The following ATP2B2 variants were observed in gnomAD, a reference collection of about 807,000 sequenced individuals.
ATP2B2 encodes the protein plasma membrane calcium-transporting ATPase 2.
ATP2B2 carries 15 observed loss-of-function variants against 120.0 expected under a neutral mutation model. The observed-to-expected ratio is 0.12, with a 90% confidence interval of 0.08 to 0.19. ATP2B2 has a LOEUF of 0.19. Ranked by LOEUF, ATP2B2 falls within the 10% of genes least tolerant of loss-of-function variation. ATP2B2 has a pLI of 1.00. For missense variants in ATP2B2, 1,045 were observed against 1,719.8 expected (o/e 0.61, Z 6.94); for synonymous variants, 694 against 700.3 (o/e 0.99, Z 0.14).
chr3:10,481,026 C>T (rs1312887371), intron 1 of ATP2B2, among the ~76,000 whole-genome samples: 2 of 152,180 alleles, frequency 1.3e-5, no homozygotes, highest in African/African-American at 4.8e-5. Context: ...TCAGAGCAGA[C>T]CCTCTCTTTT....
intron 22 of ATP2B2, among the ~76,000 whole-genome samples, chr3:10,337,018 G>A (rs115137118): frequency 0.012 from 1,798 of 152,236 alleles, 36 homozygotes; most frequent in African/African-American, 0.041. Flanking sequence ...GGGTGGCTGC[G>A]GGGCCCTAAC....
intron 22 of ATP2B2, among the ~76,000 whole-genome samples, chr3:10,336,491 G>A (rs1559525121): frequency 6.6e-6 from 1 of 152,316 alleles, no homozygotes; most frequent in East Asian, 1.9e-4. Flanking sequence ...CCACCTGCAG[G>A]CCCCAGGGTC....
chr3:10,462,684 G>A (rs1419582124), intron 1 of ATP2B2, among the ~76,000 whole-genome samples: 1 of 152,244 alleles, frequency 6.6e-6, no homozygotes, highest in Non-Finnish European at 1.5e-5. Context: ...AGATCTGGGA[G>A]TAGAACTGGG....
At chr3:10,360,766 T>C (rs2060874053) in intron 12 of ATP2B2, among the ~76,000 whole-genome samples, 1 of 152,214 alleles carries the variant, frequency 6.6e-6, no homozygotes, top group African/African-American at 2.4e-5. Flanking sequence ...TTCACCGGCT[T>C]TACATGAGCT....
chr3:10,446,538 C>T (rs1294371214), intron 2 of ATP2B2, among the ~76,000 whole-genome samples: 1 of 152,212 alleles, frequency 6.6e-6, no homozygotes, highest in African/African-American at 2.4e-5. Context: ...GTTTGAGTAA[C>T]TTGCCCAGAG....
intron 2 of ATP2B2, among the ~76,000 whole-genome samples, chr3:10,435,498 C>G (rs1182593414): frequency 2.0e-5 from 3 of 152,208 alleles, no homozygotes; most frequent in East Asian, 1.9e-4. Flanking sequence ...GAGCACTTCT[C>G]CAGTATCTGG....
rs368058047 is a variant in ATP2B2, at chr3:10,342,877, G to A, written c.2792C>T (p.Thr931Met). 80 of 1,614,042 alleles carry A rather than the reference G, an allele frequency of 5.0e-5. No homozygotes were observed. Among genetic ancestry groups the A allele is most frequent in the South Asian group, 2.3e-4 (21 of 91,080 alleles). Residue 931 changes from threonine to methionine, a missense_variant, in exon 19 of 23, where the codon ACG becomes ATG. Physicochemically the swap from Thr to Met is moderately conservative, Grantham distance 81. This residue lies in a region of ATP2B2 where 98 missense variants were observed against 266.7 expected (regional missense o/e 0.37). Transcript: ENST00000360273. This position sits in a 1 kb window ranked among gnomAD's most constrained non-coding sequence, Gnocchi z 4.4. ...CGGCTTCCTCAGCAGCAGGGTCTCC[G>A]TGGGCGGCTCAGTGGCCAGTGCCAG... ...ASLALATEPPTETLLLRKPYG... is the reference protein window; with the variant it reads ...ASLALATEPPMETLLLRKPYG...
intron 2 of ATP2B2, among the ~76,000 whole-genome samples, chr3:10,590,899 T>C (rs965986136): frequency 2.6e-5 from 4 of 152,094 alleles, no homozygotes; most frequent in Non-Finnish European, 5.9e-5. Flanking sequence ...CCTGACCTCC[T>C]AGTCCCCACA....
At chr3:10,559,676 C>G (rs1181880408) in intron 2 of ATP2B2, among the ~76,000 whole-genome samples, 1 of 152,202 alleles carries the variant, frequency 6.6e-6, no homozygotes, top group African/African-American at 2.4e-5. Flanking sequence ...CCAATCCCAG[C>G]TCTCTGAGAA....
intron 2 of ATP2B2, among the ~76,000 whole-genome samples, chr3:10,594,094 T>C (rs575122048): frequency 3.4e-4 from 52 of 152,130 alleles, no homozygotes; most frequent in African/African-American, 1.2e-3. Flanking sequence ...TGTGGAGAAA[T>C]AGGAACACTT....
At chr3:10,486,207 C>T (rs741496) in intron 1 of ATP2B2, among the ~76,000 whole-genome samples, 90,892 of 152,058 alleles carry the variant, frequency 0.6, 28,398 homozygotes, top group Non-Finnish European at 0.7. Flanking sequence ...ACTAGCTGAG[C>T]GACTCAGTTT....
At chr3:10,435,872 A>G (rs1056580423) in intron 2 of ATP2B2, among the ~76,000 whole-genome samples, 1 of 152,246 alleles carries the variant, frequency 6.6e-6, no homozygotes, top group African/African-American at 2.4e-5. Flanking sequence ...AAGATATTAT[A>G]AAAGAAAAAA....
At chr3:10,432,388 T>C (rs1448656693) in intron 2 of ATP2B2, among the ~76,000 whole-genome samples, 1 of 152,154 alleles carries the variant, frequency 6.6e-6, no homozygotes, top group African/African-American at 2.4e-5. Context: ...ATGGTACTTG[T>C]TAGACAATTT....
intron 12 of ATP2B2, among the ~76,000 whole-genome samples, chr3:10,370,520 T>C (rs2061196676): frequency 1.3e-5 from 2 of 152,254 alleles, no homozygotes; most frequent in Non-Finnish European, 2.9e-5. Flanking sequence ...TCTGACCTAC[T>C]TTCCCCGTTG....
intron 2 of ATP2B2, among the ~76,000 whole-genome samples, chr3:10,436,366 C>A (rs548429644): frequency 6.6e-6 from 1 of 152,182 alleles, no homozygotes; most frequent in African/African-American, 2.4e-5. Context: ...TAATGGTGTG[C>A]GGCTGCGCCT....
chr3:10,643,126 C>T (rs371297359), intron 1 of ATP2B2, among the ~76,000 whole-genome samples: 20 of 152,278 alleles, frequency 1.3e-4, no homozygotes, highest in South Asian at 4.1e-4. Context: ...AGGACGCAAA[C>T]GCCAGCTTGT....
rs3774171 is a variant in ATP2B2, at chr3:10,374,479, C to T, written c.1416+951G>A. ...CTTGGAAACTGATGCTCACCATGCCCTCTGGAGGCTCTGCCAATTTCTCAG... is the reference window on the plus strand; with the variant it reads ...CTTGGAAACTGATGCTCACCATGCCTTCTGGAGGCTCTGCCAATTTCTCAG... On this transcript the variant is annotated intron_variant, in intron 11 of 22. Transcript: ENST00000360273. Among the ~76,000 whole-genome samples the T allele has an allele frequency of 3.5e-4, 54 of 152,376 alleles. 3 individuals carry two copies. The East Asian group carries it at 0.01, about 29-fold the overall frequency.
At chr3:10,430,878 C>T (rs987705722) in intron 2 of ATP2B2, among the ~76,000 whole-genome samples, 1 of 151,574 alleles carries the variant, frequency 6.6e-6, no homozygotes, top group African/African-American at 2.4e-5. Context: ...CACTTGGTGG[C>T]CTCTTGGGGC....
At chr3:10,525,806 T>C (rs1038930905) in intron 3 of ATP2B2, among the ~76,000 whole-genome samples, 2 of 152,070 alleles carry the variant, frequency 1.3e-5, no homozygotes, top group Admixed American at 6.5e-5. Context: ...TTATCTACTA[T>C]GTGTATCATG....
Sources: allele counts gnomAD v4.1 joint callset (sites outside exome capture counted in the v4.1 genomes callset), GRCh38; gene constraint gnomAD v4.1.1; regional missense constraint gnomAD v4.1.1; non-coding constraint Gnocchi (gnomAD v3.1); transcripts MANE v1.5; gene names NCBI Gene and HGNC (gene_info 2026-07-23, HGNC 2026-07-21).